EPB41L4A: variants seen among roughly 807,000 people sequenced by gnomAD.
EPB41L4A encodes the protein erythrocyte membrane protein band 4.1 like 4A, also known as band 4.1-like protein 4A.
EPB41L4A carries 100 observed loss-of-function variants against 108.6 expected under a neutral mutation model. The observed-to-expected ratio is 0.92, with a 90% CI of 0.78 to 1.09. The LOEUF is 1.09. EPB41L4A is among the 50% of genes least tolerant of loss of function. The probability of loss-of-function intolerance (pLI) is 0.00; values close to 1 mark genes in which losing one functional copy is unlikely to be tolerated. For missense variants in EPB41L4A, 1,030 were observed against 842.7 expected, an observed-to-expected ratio of 1.22 and a Z score of -2.75; for synonymous variants, 319 against 289.0, an observed-to-expected ratio of 1.10 and a Z score of -1.05.
At chr5:112,284,431 G>C (rs753746619) in intron 2 of EPB41L4A, among the ~76,000 whole-genome samples, 2 of 152,102 alleles carry the variant, frequency 1.3e-5, no homozygotes, top group Non-Finnish European at 1.5e-5. Flanking sequence ...CTCTTGCATA[G>C]CCAGATGGTC....
At chr5:112,419,577 C>T (rs1403323640), upstream of EPB41L4A, 1 of 451,386 alleles carries the variant, frequency 2.2e-6, no homozygotes, top group South Asian at 1.6e-5. Context: ...GCCCCGCAGC[C>T]CCGGGTCAGA....
chr5:112,205,179 A>G (rs977813718), intron 14 of EPB41L4A, among the ~76,000 whole-genome samples: 1 of 152,196 alleles, frequency 6.6e-6, no homozygotes, highest in Non-Finnish European at 1.5e-5. Context: ...CAATTTCATA[A>G]TATTTCCTAG....
At chr5:112,371,640 C>CT (rs1759504652) in intron 1 of EPB41L4A, among the ~76,000 whole-genome samples, 1 of 152,138 alleles carries the variant, frequency 6.6e-6, no homozygotes, top group African/African-American at 2.4e-5. Context: ...AGTGGCAAGA[C>CT]TGTCTGTGGC....
intron 1 of EPB41L4A, among the ~76,000 whole-genome samples, chr5:112,375,116 A>T (rs1477665206): frequency 5.9e-5 from 9 of 152,138 alleles, no homozygotes; most frequent in African/African-American, 1.7e-4. Context: ...TGCTACTTTT[A>T]GCTCCACTGG....
chr5:112,298,518 C>T (rs1376915725), intron 2 of EPB41L4A, among the ~76,000 whole-genome samples: 1 of 152,166 alleles, frequency 6.6e-6, no homozygotes, highest in African/African-American at 2.4e-5. Flanking sequence ...ACCATCCCTG[C>T]ATTCCTGGTA....
chr5:112,170,442 G>A (rs1760509844), intron 19 of EPB41L4A, 73 bp from the exon 20 acceptor site: 1 of 993,040 alleles, frequency 1.0e-6, no homozygotes, highest in Non-Finnish European at 1.6e-6. Flanking sequence ...CAATCGGCAG[G>A]TGAGTTTTCC....
intron 1 of EPB41L4A, among the ~76,000 whole-genome samples, chr5:112,354,096 A>T (rs1448788892): frequency 6.6e-6 from 1 of 152,232 alleles, no homozygotes; most frequent in Non-Finnish European, 1.5e-5. Context: ...TTGAGCAAAT[A>T]ACCTCATCTG....
chr5:112,172,142 TGAAAAG>T (rs1760614951), intron 18 of EPB41L4A, among the ~76,000 whole-genome samples: 2 of 151,892 alleles, frequency 1.3e-5, no homozygotes, highest in African/African-American at 4.8e-5. Context: ...AGACAAAACA[TGAAAAG>T]GAAAAAGGGA....
At position 112,271,805 on chromosome 5, in the gene EPB41L4A, A is replaced by G. The variant is rs77516880; in HGVS notation, c.335+3521T>C. Among the ~76,000 whole-genome samples, 890 of 152,284 alleles carry G rather than the reference A, an allele frequency of 5.8e-3. 3 individuals carry two copies. The highest frequency in any genetic ancestry group is 0.01 in the Middle Eastern group (3 of 294). On this transcript the variant is annotated intron_variant, in intron 4 of 22. Transcript: ENST00000261486. ...ATCAGGGAATTATTATTTCTTATTG[A>G]ATTTCTTAGTGCTTTTCAAAGGAGC... is the stretch of plus-strand genomic sequence containing the variant.
At chr5:112,417,466 T>C (rs948239272) in intron 1 of EPB41L4A, among the ~76,000 whole-genome samples, 1 of 152,254 alleles carries the variant, frequency 6.6e-6, no homozygotes, top group South Asian at 2.1e-4. Flanking sequence ...CAAGAATCTA[T>C]ATATTATCTA....
downstream of EPB41L4A, chr5:112,161,361 T>C (rs1759888723): frequency 2.4e-6 from 1 of 410,588 alleles, no homozygotes; most frequent in Non-Finnish European, 4.8e-6. Flanking sequence ...CTTTTCATTA[T>C]TAAGTCGGAT....
intron 9 of EPB41L4A, among the ~76,000 whole-genome samples, chr5:112,255,253 C>T (rs761951007): frequency 6.6e-6 from 1 of 152,204 alleles, no homozygotes; most frequent in Non-Finnish European, 1.5e-5. Flanking sequence ...TGTCCACACT[C>T]ACCATCTCCA....
intron 1 of EPB41L4A, among the ~76,000 whole-genome samples, chr5:112,330,639 G>T (rs1580699859): frequency 6.6e-6 from 1 of 152,058 alleles, no homozygotes; most frequent in South Asian, 2.1e-4. Flanking sequence ...CCTTAAACAT[G>T]GTAAGCAGAA....
At chr5:112,379,459 C>A (rs990502261) in intron 1 of EPB41L4A, among the ~76,000 whole-genome samples, 8 of 152,118 alleles carry the variant, frequency 5.3e-5, no homozygotes, top group Non-Finnish European at 1.2e-4. Context: ...AGGTAAGGAA[C>A]ACAAAGGCCA....
intron 12 of EPB41L4A, among the ~76,000 whole-genome samples, chr5:112,211,495 T>G (rs183676926): frequency 6.6e-6 from 1 of 151,910 alleles, no homozygotes; most frequent in African/African-American, 2.4e-5. Context: ...GGCAGGAGAA[T>G]TGCTTGAACT....
chr5:112,415,636 C>A (rs552145625), intron 1 of EPB41L4A, among the ~76,000 whole-genome samples: 2 of 152,140 alleles, frequency 1.3e-5, no homozygotes, highest in African/African-American at 4.8e-5. Flanking sequence ...AAGTTATCTA[C>A]CTCCCTCAGC....
At chr5:112,363,418 CA>C (rs70973635) in intron 1 of EPB41L4A, 25,507 of 94,828 alleles carry the variant, frequency 0.27, 2,079 homozygotes, top group African/African-American at 0.31. Flanking sequence ...CTTGACTCTA[CA>C]AAAAAAAAAA....
intron 12 of EPB41L4A, among the ~76,000 whole-genome samples, chr5:112,213,518 T>C (rs868361799): frequency 6.6e-6 from 1 of 152,094 alleles, no homozygotes; most frequent in Non-Finnish European, 1.5e-5. Flanking sequence ...CCGGCTAATT[T>C]TTGTATTTTT....
chr5:112,146,618 C>G (rs1580317202), intron 12 of EPB41L4A, among the ~76,000 whole-genome samples: 1 of 152,160 alleles, frequency 6.6e-6, no homozygotes, highest in African/African-American at 2.4e-5. Context: ...TGTCTAGCAA[C>G]TATTTATTTC....
Sources: gnomAD v4.1 joint callset for allele counts (sites outside exome capture counted in the v4.1 genomes callset) on GRCh38, gnomAD v4.1.1 for gene constraint, MANE v1.5 for transcripts, NCBI Gene and HGNC (gene_info 2026-07-23, HGNC 2026-07-21) for gene names.